Variants in HIPK1 observed in about 807,000 individuals in gnomAD.
HIPK1 encodes homeodomain interacting protein kinase 1.
In HIPK1, 28 loss-of-function variants were observed where a neutral mutation model predicts 117.1. The ratio of observed to expected loss-of-function variants is 0.24; its 90% CI spans 0.18 to 0.33. HIPK1 has a LOEUF of 0.33. HIPK1 is among the 10% of genes least tolerant of loss of function. HIPK1 has a pLI of 1.00. For synonymous variants in HIPK1, 605 were observed against 562.5 expected (o/e 1.08, Z -1.07); for missense variants, 1,122 against 1,475.1 (o/e 0.76, Z 3.92).
chr1:113,962,614 C>T (rs1215440613), intron 9 of HIPK1, among the ~76,000 whole-genome samples, 176 bp downstream of exon 9: 1 of 152,234 alleles, frequency 6.6e-6, no homozygotes, highest in African/African-American at 2.4e-5. Flanking sequence ...ACTATTGCAA[C>T]TCTGCCATTG....
intron 1 of HIPK1, among the ~76,000 whole-genome samples, chr1:113,935,325 T>G (rs963168580): frequency 6.6e-6 from 1 of 152,202 alleles, no homozygotes; most frequent in African/African-American, 2.4e-5. Flanking sequence ...GCCCTCCAGC[T>G]TCATCCATGT....
rs762102299 is a variant in HIPK1, at chr1:113,940,553, A to G, written c.170A>G (p.Asn57Ser). The G allele has an allele frequency of 5.6e-6, 9 of 1,613,626 alleles. No individual in the cohort carries two copies. The highest frequency in any genetic ancestry group is 7.6e-6 in the Non-Finnish European group (9 of 1,179,932). ...CTCCCAGCCACACAAGGGCAAGCCA[A>G]CTCCTCTCACCAGGTAGCAAATTTC... ...KTLPATQGQANSSHQVANFNI... is the reference protein window; with the variant it reads ...KTLPATQGQASSSHQVANFNI... Residue 57 changes from asparagine to serine, a missense_variant, in exon 2 of 16, where the codon AAC becomes AGC. Physicochemically the swap from Asn to Ser is conservative, Grantham distance 46 (BLOSUM62 1). Coordinates refer to ENST00000426820, the MANE Select transcript of HIPK1 (RefSeq NM_198268.3).
At position 113,962,432 on chromosome 1, in the gene HIPK1, C is replaced by A; in HGVS notation, c.2097C>A (p.Leu699=). 6.2e-7 allele frequency: 1 copy of A among 1,613,344 alleles called. No individual in the cohort carries two copies. Among genetic ancestry groups the A allele is most frequent in the South Asian group, 1.1e-5 (1 of 91,004 alleles). Residue 699 remains leucine, a synonymous_variant, in exon 9 of 16, where the codon CTC becomes CTA. Transcript: ENST00000426820. ...AQPLQIQSGV[L]TQGSCTPLMV... is the part of the protein sequence containing the mutation. ...CACTACAGATTCAGTCAGGAGTTCTCACGCAGGTAAAAGCTAGAGCAATGT... is the reference window on the plus strand; with the variant it reads ...CACTACAGATTCAGTCAGGAGTTCTAACGCAGGTAAAAGCTAGAGCAATGT...
At chr1:113,942,160 G>A (rs571188606) in intron 2 of HIPK1, among the ~76,000 whole-genome samples, 2 of 151,178 alleles carry the variant, frequency 1.3e-5, no homozygotes, top group Non-Finnish European at 2.9e-5. Flanking sequence ...CTGGGGTCAA[G>A]TGATTTCTCC....
At chr1:113,963,658 G>C in intron 10 of HIPK1, 137 bp downstream of exon 10, 1 of 908,956 alleles carries the variant, frequency 1.1e-6, no homozygotes, top group Non-Finnish European at 1.6e-6. Context: ...CTTTGCAGAG[G>C]GCATGGAAGC....
chr1:113,961,567 T>C (rs1033423126), intron 8 of HIPK1, among the ~76,000 whole-genome samples: 1 of 152,212 alleles, frequency 6.6e-6, no homozygotes, highest in African/African-American at 2.4e-5. Context: ...ATCTTTCTTA[T>C]CTAATTCACT....
chr1:113,965,728 T>TA lies in HIPK1; in HGVS notation c.2239-396dup, dbSNP rs1672400886. ...TACCTTATCTGATTGGCAGTCAGAT[T>TA]AAAAAATTTTAATCTCCAGGGAGTC... On this transcript the variant is annotated intron_variant, in intron 10 of 15. Transcript: ENST00000426820. 2.0e-5 allele frequency among the ~76,000 whole-genome samples: 3 copies of TA among 152,320 alleles called. No homozygotes were observed. The South Asian group carries it at 6.2e-4, about 32-fold the overall frequency.
chr1:113,962,164 A>G (rs1672168880), intron 8 of HIPK1, among the ~76,000 whole-genome samples, 153 bp from the exon 9 acceptor site: 1 of 152,198 alleles, frequency 6.6e-6, no homozygotes, highest in African/African-American at 2.4e-5. Context: ...TTAACTTCCA[A>G]GACTTCTATG....
chr1:113,932,373 T>G lies in HIPK1; in HGVS notation c.-3+2841T>G, dbSNP rs1669954151. Among the ~76,000 whole-genome samples the G allele has an allele frequency of 1.3e-5, 2 of 149,304 alleles. 1 individual carries two copies. The highest frequency in any genetic ancestry group is 6.8e-3 in the Middle Eastern group (2 of 292). On this transcript the variant is annotated intron_variant, in intron 1 of 15. Coordinates refer to ENST00000426820, the MANE Select transcript of HIPK1 (RefSeq NM_198268.3). ...CTCGTTTGGCCTTTTTGGATCTGTT[T>G]TTTTTTTTTTTTTTTTTTATTTGAG...
At chr1:113,931,399 T>C (rs1669888780) in intron 1 of HIPK1, among the ~76,000 whole-genome samples, 1 of 152,234 alleles carries the variant, frequency 6.6e-6, no homozygotes, top group Non-Finnish European at 1.5e-5. Context: ...GTTCCTGGCT[T>C]GAAAGATATT....
In HIPK1 at chr1:113,974,616, C is replaced by A. The variant is rs1163392670; in HGVS notation, c.*1104C>A. ...AGCTTTTATACTTCAAAGTAGCTTC[C>A]TTTGTATGCCAGCAGCAAATTGAAT... On this transcript the variant is annotated 3_prime_UTR_variant, in exon 16 of 16. Transcript: ENST00000426820. The A allele has an allele frequency of 1.3e-5, 2 of 152,666 alleles. No individual in the cohort carries two copies. The highest frequency in any genetic ancestry group is 3.8e-4 in the East Asian group (2 of 5,324). 9.5% of individuals were successfully genotyped at this position (152,666 alleles called of 1,614,324 possible). A position where few individuals can be genotyped will look rare whatever the true frequency, so the allele number is the denominator to read the frequency against.
chr1:113,936,389 T>C (rs1392391638), intron 1 of HIPK1, among the ~76,000 whole-genome samples: 2 of 152,374 alleles, frequency 1.3e-5, no homozygotes, highest in South Asian at 2.1e-4. Context: ...AAGTAATCTT[T>C]TATTATGTTT....
rs756834609 is a variant in HIPK1, at chr1:113,974,365, G to A, written c.*853G>A. ...CTGATTCAGCTTAAATTTTTTTATCGAAAAAGCCATTAAGGTGGTTATTAT... is the reference window on the plus strand; with the variant it reads ...CTGATTCAGCTTAAATTTTTTTATCAAAAAAGCCATTAAGGTGGTTATTAT... On this transcript the variant is annotated 3_prime_UTR_variant, in exon 16 of 16. Coordinates refer to ENST00000426820, the MANE Select transcript of HIPK1 (RefSeq NM_198268.3). 4 of 152,324 alleles carry A rather than the reference G, an allele frequency of 2.6e-5. No individual in the cohort carries two copies. Among genetic ancestry groups the A allele is most frequent in the Non-Finnish European group, 4.4e-5 (3 of 67,924 alleles). The allele number at this position is 152,324 out of a possible 1,614,324, so 9.4% of individuals were successfully genotyped here.
In HIPK1 at chr1:113,971,861, G is replaced by A. The variant is rs1444243020; in HGVS notation, c.3051G>A (p.Val1017=). The change falls in exon 15 of 16, where the codon GTG becomes GTA. Residue 1017 remains valine (V), a synonymous_variant. Transcript: ENST00000426820. ...LSNKTKPVAS[V]SGQSSGCCIT... is the part of the protein sequence containing the mutation. ...ATAAGACTAAGCCAGTCGCTTCAGT[G>A]AGTGGGCAGTCATCTGGATGCTGTA... is the stretch of plus-strand genomic sequence containing the variant. 2 of 1,600,332 alleles carry A rather than the reference G, an allele frequency of 1.2e-6. No individual in the cohort carries two copies.
At chr1:113,971,991 T>G (rs1672863423) in intron 15 of HIPK1, 37 bp downstream of exon 15, 1 of 1,612,992 alleles carries the variant, frequency 6.2e-7, no homozygotes, top group African/African-American at 1.3e-5. Context: ...GTTTGGGCCC[T>G]GCACTGTTGT....
chr1:113,967,724 T>A, intron 11 of HIPK1, 42 bp from the exon 12 acceptor site: 1 of 1,375,874 alleles, frequency 7.3e-7, no homozygotes, highest in Non-Finnish European at 9.7e-7. Flanking sequence ...GATTCTTCAG[T>A]GGTTTTGGAA....
At chr1:113,967,692 C>G in intron 11 of HIPK1, 74 bp from the exon 12 acceptor site, 1 of 1,098,052 alleles carries the variant, frequency 9.1e-7, no homozygotes, top group East Asian at 2.8e-5. Flanking sequence ...TGGCTAATTG[C>G]TTTTGATGTC....
chr1:113,946,662 T>C (rs1046707184), intron 2 of HIPK1, among the ~76,000 whole-genome samples: 2 of 152,240 alleles, frequency 1.3e-5, no homozygotes, highest in South Asian at 4.1e-4. Flanking sequence ...TCTTCAAAGT[T>C]ACCCTTCGAC....
intron 1 of HIPK1, among the ~76,000 whole-genome samples, chr1:113,932,840 C>T (rs914857690): frequency 6.6e-6 from 1 of 152,182 alleles, no homozygotes; most frequent in African/African-American, 2.4e-5. Context: ...CTTTGGCATA[C>T]TAGCATAGCA....
Sources: gnomAD v4.1 joint callset for allele counts (sites outside exome capture counted in the v4.1 genomes callset) on GRCh38, gnomAD v4.1.1 for gene constraint, MANE v1.5 for transcripts, NCBI Gene and HGNC (gene_info 2026-07-23, HGNC 2026-07-21) for gene names.